Variants in NXN observed in about 807,000 individuals in gnomAD.
The protein encoded by NXN is nucleoredoxin 1.
A neutral mutation model predicts 48.6 loss-of-function variants in NXN; 16 were observed. The observed-to-expected ratio is 0.33, with a 90% CI of 0.22 to 0.50. The LOEUF (loss-of-function observed/expected upper bound fraction) is 0.50, where lower values mean the gene tolerates loss of function less well. Ranked by LOEUF, NXN falls within the 20% of genes least tolerant of loss-of-function variation. The probability of loss-of-function intolerance (pLI) is 0.98; values close to 1 mark genes in which losing one functional copy is unlikely to be tolerated. For missense variants in NXN, 492 were observed against 605.5 expected (o/e 0.81, Z 1.97); for synonymous variants, 281 against 269.6 (o/e 1.04, Z -0.41).
In NXN at chr17:835,109, C is replaced by G. The variant is rs539307554; in HGVS notation, c.361-9031G>C. 6.7e-4 allele frequency among the ~76,000 whole-genome samples: 101 copies of G among 151,302 alleles called. No homozygotes were observed. In the South Asian group the frequency reaches 0.018, roughly 26 times the overall value. The stretch of plus-strand genomic sequence containing the variant: ...GGATCACAAGGTCAGGAGATCGAGA[C>G]CATCCTGGCTAACATGGTGAAACCC... On this transcript the variant is annotated intron_variant, in intron 1 of 7. Transcript: ENST00000336868.
At chr17:819,567 G>A (rs373167212) in intron 4 of NXN, 22 bp from the exon 5 acceptor site, 103 of 1,538,762 alleles carry the variant, frequency 6.7e-5, no homozygotes, top group South Asian at 3.5e-4. Flanking sequence ...CACACGTGGC[G>A]GGCAAGGCTC....
chr17:967,682 G>GCAAAT (rs2069322865), intron 1 of NXN, among the ~76,000 whole-genome samples: 1 of 152,208 alleles, frequency 6.6e-6, no homozygotes, highest in Admixed American at 6.5e-5. Context: ...AATGTAATGG[G>GCAAAT]CAAATTTTAT....
At chr17:813,533 T>C (rs774251910) in intron 5 of NXN, among the ~76,000 whole-genome samples, 11 of 152,276 alleles carry the variant, frequency 7.2e-5, no homozygotes, top group Non-Finnish European at 1.5e-4. Context: ...ATGATTTCCT[T>C]AATACGTGAG....
intron 1 of NXN, among the ~76,000 whole-genome samples, chr17:977,056 G>A (rs527357068): frequency 9.7e-4 from 148 of 152,260 alleles, no homozygotes; most frequent in African/African-American, 3.4e-3. Flanking sequence ...ATGAGCCACC[G>A]CACCCGGCAA....
At chr17:944,182 TGAGCCGA>T (rs879279963) in intron 1 of NXN, among the ~76,000 whole-genome samples, 86 of 149,624 alleles carry the variant, frequency 5.7e-4, no homozygotes, top group Non-Finnish European at 4.5e-4. Context: ...GAGGTTGCAG[TGAGCCGA>T]GATGGCGCCA....
intron 5 of NXN, among the ~76,000 whole-genome samples, chr17:813,980 G>C (rs1912324996): frequency 6.6e-6 from 1 of 150,822 alleles, no homozygotes; most frequent in Non-Finnish European, 1.5e-5. Context: ...AAAAAAAAGA[G>C]CCGGGCACGG....
At chr17:816,497 C>T (rs1358693253) in intron 5 of NXN, among the ~76,000 whole-genome samples, 6 of 151,984 alleles carry the variant, frequency 3.9e-5, no homozygotes, top group Non-Finnish European at 7.4e-5. Flanking sequence ...CTGCTTGGTC[C>T]GTTCCTACTT....
intron 3 of NXN, 73 bp from the exon 4 acceptor site, chr17:822,530 C>G: frequency 8.7e-7 from 1 of 1,153,272 alleles, no homozygotes; most frequent in South Asian, 1.3e-5. Flanking sequence ...CATCCAAGGC[C>G]GGGTTAGCAG....
intron 1 of NXN, among the ~76,000 whole-genome samples, chr17:855,651 T>A (rs772471047): frequency 1.1e-4 from 16 of 152,328 alleles, no homozygotes; most frequent in Non-Finnish European, 2.1e-4. Context: ...GATCCACCAG[T>A]TCTGGCAGCC....
chr17:926,946 T>A (rs2068806139), intron 1 of NXN, among the ~76,000 whole-genome samples: 1 of 152,186 alleles, frequency 6.6e-6, no homozygotes, highest in Admixed American at 6.5e-5. Context: ...AAGAAAACTG[T>A]TCATAACAAC....
Position 864,150 on chromosome 17 carries a change from T to G in NXN, c.361-38072A>C, listed in dbSNP as rs2068073359. On this transcript the variant is annotated intron_variant, in intron 1 of 7. Coordinates refer to ENST00000336868, the MANE Select transcript of NXN (RefSeq NM_022463.5). Reference sequence around the variant, plus strand: ...TCCGGTGAAGGGGCACGTTCACCGTTGCTCGGTTCCGGTGAAGGGACGCGT... The same window carrying G: ...TCCGGTGAAGGGGCACGTTCACCGTGGCTCGGTTCCGGTGAAGGGACGCGT... The G allele has an allele frequency of 3.4e-6, 5 of 1,470,074 alleles. No individual in the cohort carries two copies. The South Asian group carries it at 6.7e-5, about 20-fold the overall frequency. 91.1% of individuals were successfully genotyped at this position (1,470,074 alleles called of 1,614,324 possible).
intron 1 of NXN, among the ~76,000 whole-genome samples, chr17:847,244 G>A (rs772646692): frequency 2.7e-5 from 4 of 150,396 alleles, no homozygotes; most frequent in Non-Finnish European, 5.9e-5. Context: ...TTCCCTTCTC[G>A]GCTGCGTGGA....
At chr17:905,956 T>C (rs1259046850) in intron 1 of NXN, among the ~76,000 whole-genome samples, 1 of 144,734 alleles carries the variant, frequency 6.9e-6, no homozygotes, top group Non-Finnish European at 1.5e-5. Context: ...CAGCCTGAAC[T>C]ACAGAGTGAG....
chr17:817,440 T>A (rs576115517), intron 5 of NXN, among the ~76,000 whole-genome samples: 5 of 151,364 alleles, frequency 3.3e-5, no homozygotes, highest in Non-Finnish European at 7.4e-5. Flanking sequence ...GAGGCCGAGG[T>A]GGGCGGATCA....
intron 1 of NXN, among the ~76,000 whole-genome samples, chr17:922,150 T>TTAAA (rs2068756140): frequency 6.6e-6 from 1 of 152,118 alleles, no homozygotes; most frequent in East Asian, 1.9e-4. Context: ...GACTTAAAGC[T>TTAAA]GTAAGAATTG....
intron 1 of NXN, among the ~76,000 whole-genome samples, chr17:853,816 C>T (rs1042135251): frequency 2.0e-5 from 3 of 150,958 alleles, no homozygotes; most frequent in South Asian, 2.1e-4. Context: ...TCTGCCTCCC[C>T]GGGTTCAAGT....
chr17:887,389 G>A (rs148046849), intron 1 of NXN, among the ~76,000 whole-genome samples: 20 of 152,236 alleles, frequency 1.3e-4, no homozygotes, highest in African/African-American at 2.4e-4. Context: ...GGAAGCTGCC[G>A]TTCATGAGCT....
chr17:812,903 C>A (rs972149265), intron 5 of NXN, among the ~76,000 whole-genome samples: 1 of 120,642 alleles, frequency 8.3e-6, no homozygotes, highest in Admixed American at 8.5e-5. Context: ...TAGGTGTGTG[C>A]ATGTGTGACT....
At chr17:854,164 C>G (rs2067959045) in intron 1 of NXN, among the ~76,000 whole-genome samples, 1 of 152,138 alleles carries the variant, frequency 6.6e-6, no homozygotes, top group Admixed American at 6.6e-5. Flanking sequence ...GTAAAAATAT[C>G]TGTGGATTAA....
Sources: gnomAD v4.1 joint callset for allele counts (sites outside exome capture counted in the v4.1 genomes callset) on GRCh38, gnomAD v4.1.1 for gene constraint, MANE v1.5 for transcripts, NCBI Gene and HGNC (gene_info 2026-07-23, HGNC 2026-07-21) for gene names.